The following SYNE2 variants were observed in gnomAD, a reference collection of about 807,000 sequenced individuals.
SYNE2 encodes the protein spectrin repeat containing nuclear envelope protein 2, also known as nesprin-2.
Under a neutral mutation model 856.3 loss-of-function variants are expected in SYNE2, and 431 were observed. The ratio of observed to expected loss-of-function variants is 0.50; its 90% CI spans 0.47 to 0.55. The LOEUF is 0.55. Among genes scored for constraint, SYNE2 ranks in the 20% least tolerant of loss-of-function variants. The probability of loss-of-function intolerance (pLI) is 0.00; values close to 1 mark genes in which losing one functional copy is unlikely to be tolerated. For missense variants in SYNE2, 8,129 were observed against 8,023.2 expected, an observed-to-expected ratio of 1.01 and a Z score of -0.50; for synonymous variants, 2,923 against 2,872.3, an observed-to-expected ratio of 1.02 and a Z score of -0.56.
chr14:64,215,911 C>T (rs543476920), intron 107 of SYNE2: 7 of 1,281,726 alleles, frequency 5.5e-6, no homozygotes, highest in Middle Eastern at 3.1e-4. Context: ...GTTCACTCTT[C>T]CCCTCACTCC....
chr14:64,156,923 C>G (rs2098291229), intron 85 of SYNE2, among the ~76,000 whole-genome samples: 1 of 152,186 alleles, frequency 6.6e-6, no homozygotes, highest in African/African-American at 2.4e-5. Context: ...AGGAGCCTCC[C>G]TGTCACTGTG....
chr14:64,187,820 G>A (rs555864705), intron 97 of SYNE2, among the ~76,000 whole-genome samples: 37 of 152,286 alleles, frequency 2.4e-4, no homozygotes, highest in African/African-American at 8.2e-4. Flanking sequence ...CATCTAGTTA[G>A]GCTGATTTGC....
intron 1 of SYNE2, among the ~76,000 whole-genome samples, chr14:63,881,654 A>C (rs1014634118): frequency 2.7e-5 from 4 of 150,654 alleles, no homozygotes; most frequent in South Asian, 4.2e-4. Context: ...TAGAAAAAAA[A>C]CCCAAATTAA....
intron 96 of SYNE2, 98 bp downstream of exon 96, chr14:64,177,581 T>C: frequency 6.8e-7 from 1 of 1,463,892 alleles, no homozygotes; most frequent in Non-Finnish European, 9.6e-7. Flanking sequence ...AACTGAGTTT[T>C]CATTTTCAAT....
At chr14:63,787,869 G>A (rs1887596477) in intron 1 of SYNE2, among the ~76,000 whole-genome samples, 1 of 152,214 alleles carries the variant, frequency 6.6e-6, no homozygotes. Flanking sequence ...GGGTCTTACA[G>A]GGACCGCTCC....
intron 45 of SYNE2, among the ~76,000 whole-genome samples, chr14:64,047,786 T>C (rs996293149): frequency 6.6e-6 from 1 of 152,214 alleles, no homozygotes; most frequent in Non-Finnish European, 1.5e-5. Flanking sequence ...CAATGCTATA[T>C]CCTATACTAC....
Position 63,804,065 on chromosome 14 carries a change from T to C in SYNE2, c.-305+42079T>C, listed in dbSNP as rs559817182. On this transcript the variant is annotated intron_variant, in intron 1 of 23. Coordinates refer to the SYNE2 transcript ENST00000674003. ...CTTCCCATTCACCTTCTGCCATGAT[T>C]ATAAGTTTCCTGAGGCATCCCAGCC... Among the ~76,000 whole-genome samples the C allele has an allele frequency of 7.2e-5, 11 of 152,302 alleles. No individual in the cohort carries two copies. In the South Asian group the frequency reaches 2.3e-3, roughly 32 times the overall value.
At chr14:64,066,260 G>C (rs2097357736) in intron 51 of SYNE2, among the ~76,000 whole-genome samples, 1 of 152,162 alleles carries the variant, frequency 6.6e-6, no homozygotes, top group Non-Finnish European at 1.5e-5. Flanking sequence ...AGCACTTTGG[G>C]AGGCTGAGAC....
intron 2 of SYNE2, among the ~76,000 whole-genome samples, chr14:63,924,834 G>GT (rs1160819887): frequency 0.013 from 730 of 56,382 alleles, 74 homozygotes; most frequent in East Asian, 0.022. Flanking sequence ...CAGCCTTGGT[G>GT]TTTTTTTTTT....
chr14:63,999,311 T>A (rs1022520462), intron 27 of SYNE2, among the ~76,000 whole-genome samples: 5 of 152,332 alleles, frequency 3.3e-5, no homozygotes, highest in African/African-American at 1.2e-4. Flanking sequence ...ATAGTTTTTG[T>A]TTATTTCTTT....
intron 1 of SYNE2, among the ~76,000 whole-genome samples, chr14:63,894,863 A>G (rs948408921): frequency 3.3e-5 from 5 of 152,134 alleles, no homozygotes; most frequent in African/African-American, 7.2e-5. Context: ...CAGGCTTTCT[A>G]TGGGACTCCG....
At chr14:64,129,722 CTA>C (rs1394336618) in intron 74 of SYNE2, 58 bp from the exon 75 acceptor site, 2 of 1,608,938 alleles carry the variant, frequency 1.2e-6, no homozygotes, top group Non-Finnish European at 1.7e-6. Flanking sequence ...TTTTAGATAA[CTA>C]TGTGTACTTC....
chr14:64,162,699 A>G (rs914624796), intron 88 of SYNE2: 1 of 284,228 alleles, frequency 3.5e-6, no homozygotes, highest in Non-Finnish European at 6.9e-6. Context: ...ATTTCAGACT[A>G]CATTAAAGAC....
chr14:64,136,921 G>A (rs1041324549), intron 78 of SYNE2, among the ~76,000 whole-genome samples: 2 of 152,186 alleles, frequency 1.3e-5, no homozygotes, highest in African/African-American at 4.8e-5. Flanking sequence ...TGAGCCAAGG[G>A]AAAAGGAGAG....
At chr14:63,894,872 C>T (rs927145543) in intron 1 of SYNE2, among the ~76,000 whole-genome samples, 2 of 152,080 alleles carry the variant, frequency 1.3e-5, no homozygotes, top group African/African-American at 4.8e-5. Context: ...TATGGGACTC[C>T]GGCTATTGGT....
At chr14:63,771,101 G>A (rs1450858586) in intron 1 of SYNE2, among the ~76,000 whole-genome samples, 2 of 128,548 alleles carry the variant, frequency 1.6e-5, no homozygotes, top group African/African-American at 3.1e-5. Flanking sequence ...ACGGAGTCTC[G>A]CTCTGTGGCC....
At chr14:64,217,741 G>GTT (rs34467643) in intron 108 of SYNE2, among the ~76,000 whole-genome samples, 8 of 149,366 alleles carry the variant, frequency 5.4e-5, no homozygotes, top group Non-Finnish European at 1.0e-4. Context: ...AAATCTGAAG[G>GTT]TTTTTTTTTT....
intron 105 of SYNE2, 91 bp downstream of exon 105, chr14:64,213,096 A>C (rs1011905311): frequency 8.6e-6 from 11 of 1,272,116 alleles, no homozygotes; most frequent in Non-Finnish European, 1.2e-5. Context: ...CTGTCTTATA[A>C]TGGTTAATTA....
chr14:64,056,408 G>A, intron 49 of SYNE2, 142 bp downstream of exon 49: 10 of 658,818 alleles, frequency 1.5e-5, no homozygotes, highest in South Asian at 1.2e-4. Context: ...AGATAATTTG[G>A]AAAATATGGT....
Sources: allele counts gnomAD v4.1 joint callset (sites outside exome capture counted in the v4.1 genomes callset), GRCh38; gene constraint gnomAD v4.1.1; transcripts MANE v1.5; gene names NCBI Gene and HGNC (gene_info 2026-07-23, HGNC 2026-07-21).